The following CEP128 variants were observed in gnomAD, a reference collection of about 807,000 sequenced individuals.
CEP128 encodes the protein centrosomal protein 128.
A neutral mutation model predicts 156.7 loss-of-function variants in CEP128; 132 were observed. That is an observed-to-expected ratio of 0.84 (90% CI 0.73 to 0.97). CEP128 has a LOEUF of 0.97. CEP128 is among the 50% of genes least tolerant of loss of function. The pLI is 0.00. For synonymous variants in CEP128, 469 were observed against 448.9 expected (o/e 1.04, Z -0.57); for missense variants, 1,252 against 1,281.9 (o/e 0.98, Z 0.36).
chr14:80,541,443 TAA>T (rs35523389), intron 21 of CEP128, among the ~76,000 whole-genome samples: 25 of 109,928 alleles, frequency 2.3e-4, no homozygotes, highest in South Asian at 6.1e-4. Context: ...ATGACTGTGT[TAA>T]AAAAAAAAAA....
intron 18 of CEP128, among the ~76,000 whole-genome samples, chr14:80,744,988 C>T (rs542100100): frequency 6.6e-6 from 1 of 152,256 alleles, no homozygotes; most frequent in South Asian, 2.1e-4. Flanking sequence ...TACTAGCAAA[C>T]GGAATCCAGC....
chr14:80,824,343 C>T (rs1885356267), intron 13 of CEP128, among the ~76,000 whole-genome samples: 1 of 152,224 alleles, frequency 6.6e-6, no homozygotes, highest in Non-Finnish European at 1.5e-5. Context: ...CTCCTCAATA[C>T]TTATGCAAAT....
chr14:80,533,841 T>G (rs1039690131), intron 21 of CEP128, among the ~76,000 whole-genome samples: 2 of 152,156 alleles, frequency 1.3e-5, no homozygotes, highest in Non-Finnish European at 2.9e-5. Context: ...TCTAGTCAAT[T>G]AACAACAAAT....
intron 19 of CEP128, among the ~76,000 whole-genome samples, chr14:80,628,926 T>C (rs1893847039): frequency 6.6e-6 from 1 of 152,052 alleles, no homozygotes; most frequent in Admixed American, 6.6e-5. Flanking sequence ...TGACAGATGG[T>C]GGGGTAAGCG....
chr14:80,695,942 G>A lies in CEP128; in HGVS notation c.2806+47133C>T, dbSNP rs531617593. Among the ~76,000 whole-genome samples the A allele has an allele frequency of 5.9e-5, 9 of 152,142 alleles. No individual in the cohort carries two copies. In the South Asian group the frequency reaches 1.9e-3, roughly 32 times the overall value. On this transcript the variant is annotated intron_variant, in intron 19 of 24. Transcript: ENST00000555265. The stretch of plus-strand genomic sequence containing the variant: ...GGTAAACATCTTCCAATTTCTTTAT[G>A]AATTAAACTCAAACAAACACTCTGG...
At chr14:80,840,858 A>C in intron 9 of CEP128, 90 bp from the exon 10 acceptor site, 1 of 780,672 alleles carries the variant, frequency 1.3e-6, no homozygotes, top group Non-Finnish European at 2.2e-6. Flanking sequence ...AGGGCTGAAG[A>C]AGACATGGAT....
intron 19 of CEP128, among the ~76,000 whole-genome samples, chr14:80,619,987 T>C (rs1893409639): frequency 6.6e-6 from 1 of 151,860 alleles, no homozygotes; most frequent in Non-Finnish European, 1.5e-5. Context: ...TAGCCAGGCA[T>C]GGTGGTGGGC....
At chr14:80,875,110 A>C (rs1212220355) in intron 8 of CEP128, among the ~76,000 whole-genome samples, 3 of 152,196 alleles carry the variant, frequency 2.0e-5, no homozygotes, top group Non-Finnish European at 4.4e-5. Flanking sequence ...CAGATTCTTA[A>C]AGTTAAATGA....
intron 19 of CEP128, among the ~76,000 whole-genome samples, chr14:80,643,954 C>T (rs141253373): frequency 5.9e-5 from 9 of 152,218 alleles, no homozygotes; most frequent in African/African-American, 2.2e-4. Context: ...ATGAAATCAG[C>T]CTAGATGTAG....
intron 19 of CEP128, among the ~76,000 whole-genome samples, chr14:80,583,170 C>T (rs781289621): frequency 6.6e-6 from 1 of 152,194 alleles, no homozygotes; most frequent in Non-Finnish European, 1.5e-5. Context: ...ACGGGTCATA[C>T]TACTCTTCCA....
chr14:80,886,609 T>C (rs1888813641), intron 8 of CEP128, among the ~76,000 whole-genome samples: 1 of 152,194 alleles, frequency 6.6e-6, no homozygotes, highest in African/African-American at 2.4e-5. Flanking sequence ...AGGTCTGCCT[T>C]GCAAGAGCTC....
At chr14:80,522,834 C>T (rs754281551) in intron 23 of CEP128, among the ~76,000 whole-genome samples, 37 of 152,244 alleles carry the variant, frequency 2.4e-4, no homozygotes, top group Admixed American at 9.8e-4. Flanking sequence ...TCTTGTCTAC[C>T]AAGACAGAGA....
At position 80,651,568 on chromosome 14, in the gene CEP128, C is replaced by T. The variant is rs1255155324; in HGVS notation, c.2807-71145G>A. ...TGTGGGCATTTAGTGCTATAAATTT[C>T]CCTCTAAACACTGCTTTAGCTGTGT... On this transcript the variant is annotated intron_variant, in intron 19 of 24. Transcript: ENST00000555265. 2.6e-5 allele frequency among the ~76,000 whole-genome samples: 4 copies of T among 152,132 alleles called. No homozygotes were observed. The East Asian group carries it at 7.7e-4, about 29-fold the overall frequency.
At chr14:80,729,061 G>GTGTGTGTGTGTGTA (rs1898148435) in intron 19 of CEP128, among the ~76,000 whole-genome samples, 1 of 26,236 alleles carries the variant, frequency 3.8e-5, no homozygotes. Context: ...TGGTGGGGGT[G>GTGTGTGTGTGTGTA]TGTGTGTGTG....
intron 19 of CEP128, among the ~76,000 whole-genome samples, chr14:80,691,070 C>T (rs556373941): frequency 6.6e-6 from 1 of 152,226 alleles, no homozygotes; most frequent in African/African-American, 2.4e-5. Flanking sequence ...AGTCAATTAG[C>T]ACATGCATTG....
At chr14:80,637,986 T>C (rs973611719) in intron 19 of CEP128, among the ~76,000 whole-genome samples, 1 of 152,194 alleles carries the variant, frequency 6.6e-6, no homozygotes, top group African/African-American at 2.4e-5. Context: ...CACTTTGATT[T>C]TGGCTCAGCA....
chr14:80,879,672 G>A (rs1051864850), intron 8 of CEP128, among the ~76,000 whole-genome samples: 4 of 151,980 alleles, frequency 2.6e-5, no homozygotes, highest in African/African-American at 9.7e-5. Flanking sequence ...ACGAAAAAGA[G>A]TAAAGACTTA....
chr14:80,581,648 C>T (rs1227348176), intron 19 of CEP128, among the ~76,000 whole-genome samples: 1 of 152,172 alleles, frequency 6.6e-6, no homozygotes, highest in African/African-American at 2.4e-5. Context: ...TATAGAGGAA[C>T]TGACTTTGGC....
At chr14:80,653,183 C>T (rs991807378) in intron 19 of CEP128, among the ~76,000 whole-genome samples, 2 of 151,976 alleles carry the variant, frequency 1.3e-5, no homozygotes, top group South Asian at 2.1e-4. Flanking sequence ...CAGGGCCTGT[C>T]GGGAGGTGGG....
Sources: gnomAD v4.1 joint callset for allele counts (sites outside exome capture counted in the v4.1 genomes callset) on GRCh38, gnomAD v4.1.1 for gene constraint, MANE v1.5 for transcripts, NCBI Gene and HGNC (gene_info 2026-07-23, HGNC 2026-07-21) for gene names.